Variants in FLACC1 observed in about 807,000 individuals in gnomAD.
FLACC1 encodes flagellum-associated coiled-coil domain-containing protein 1.
A neutral mutation model predicts 62.8 loss-of-function variants in FLACC1; 66 were observed. The ratio of observed to expected loss-of-function variants is 1.05; its 90% confidence interval spans 0.86 to 1.29. The LOEUF is 1.29. FLACC1 is among the 50% of genes most tolerant of loss of function. The pLI, the probability that FLACC1 is intolerant of heterozygous loss-of-function variation, is 0.00. For missense variants in FLACC1, 452 were observed against 489.1 expected (o/e 0.92, Z 0.71); for synonymous variants, 156 against 161.0 (o/e 0.97, Z 0.24).
chr2:201,335,067 T>G (rs776693193), intron 7 of FLACC1, among the ~76,000 whole-genome samples: 18 of 152,152 alleles, frequency 1.2e-4, no homozygotes, highest in Non-Finnish European at 2.2e-4. Flanking sequence ...ATTATCCAAT[T>G]CATTGCCATA....
chr2:201,314,654 C>G (rs561244452), intron 9 of FLACC1, among the ~76,000 whole-genome samples: 43 of 152,202 alleles, frequency 2.8e-4, no homozygotes, highest in South Asian at 1.2e-3. Flanking sequence ...TTGCTAGAGA[C>G]CTAGATATCC....
chr2:201,297,355 A>G (rs1317010751), intron 12 of FLACC1, among the ~76,000 whole-genome samples: 2 of 152,120 alleles, frequency 1.3e-5, no homozygotes, highest in African/African-American at 4.8e-5. Context: ...GATAAAGAAG[A>G]TAAGTGGGGC....
At chr2:201,296,246 A>G (rs1450813308) in intron 12 of FLACC1, among the ~76,000 whole-genome samples, 1 of 152,144 alleles carries the variant, frequency 6.6e-6, no homozygotes, top group Non-Finnish European at 1.5e-5. Flanking sequence ...ACAATAGCAA[A>G]GACTTGGAAC....
chr2:201,348,011 T>TA (rs2125619634), intron 4 of FLACC1: 1 of 357,058 alleles, frequency 2.8e-6, no homozygotes, highest in African/African-American at 2.2e-5. Context: ...ACACTCTGTT[T>TA]GTCTTGTGCA....
intron 7 of FLACC1, among the ~76,000 whole-genome samples, chr2:201,338,436 T>C (rs1301248274): frequency 6.6e-6 from 1 of 152,192 alleles, no homozygotes; most frequent in African/African-American, 2.4e-5. Flanking sequence ...TCCAGTACTA[T>C]ATTGAATAGG....
At chr2:201,355,111 C>T (rs1247000049) in intron 1 of FLACC1, among the ~76,000 whole-genome samples, 1 of 152,032 alleles carries the variant, frequency 6.6e-6, no homozygotes, top group Non-Finnish European at 1.5e-5. Context: ...AGGGCGAAAC[C>T]CCGTCTCTAC....
At chr2:201,319,975 A>C (rs1304748135) in intron 9 of FLACC1, among the ~76,000 whole-genome samples, 6 of 152,216 alleles carry the variant, frequency 3.9e-5, no homozygotes, top group Non-Finnish European at 7.3e-5. Flanking sequence ...CTCACCCTAC[A>C]TTACTCCTGG....
Position 201,299,258 on chromosome 2 carries a change from C to T in FLACC1, c.922G>A (p.Glu308Lys). 6.2e-7 allele frequency: 1 copy of T among 1,613,702 alleles called. No homozygotes were observed. The highest frequency in any genetic ancestry group is 8.5e-7 in the Non-Finnish European group (1 of 1,179,836). ...CTTACCTCTTTGGTTTTTCTCAGCTCTTCTAATTGCAAGGTGTCACTTTGA... is the reference window on the plus strand; with the variant it reads ...CTTACCTCTTTGGTTTTTCTCAGCTTTTCTAATTGCAAGGTGTCACTTTGA... The part of the protein sequence containing the change: ...QHQSDTLQLE[E>K]LRKTKEVMQE... Residue 308 changes from glutamate to lysine, a missense_variant, in exon 12 of 15, where the codon GAG becomes AAG. By Grantham distance (56) the Glu-to-Lys change is moderately conservative (BLOSUM62 1). Transcript: ENST00000392257.
At chr2:201,338,005 T>C (rs1349889482) in intron 7 of FLACC1, among the ~76,000 whole-genome samples, 5 of 152,230 alleles carry the variant, frequency 3.3e-5, no homozygotes, top group African/African-American at 9.6e-5. Flanking sequence ...ATTTTGGCGA[T>C]CTTAATTCTT....
At chr2:201,361,266 C>G, upstream of FLACC1, among the ~76,000 whole-genome samples, 1 of 152,156 alleles carries the variant, frequency 6.6e-6, no homozygotes, top group East Asian at 1.9e-4. Context: ...TGCCCAAATA[C>G]TGTAAAGGTT....
In FLACC1 at chr2:201,346,660, A is replaced by T. The variant is rs759016369; in HGVS notation, c.250T>A (p.Ser84Thr). ...TTCCGAACAAGTTGATAGCCAGGTG[A>T]CACGTTGATCACTTCCTAGGCATCA... Reference protein sequence around the residue: ...NKSFYEVINVSPGYQLVRNRE... With the variant: ...NKSFYEVINVTPGYQLVRNRE... Residue 84 changes from serine to threonine, a missense_variant, in exon 5 of 15, where the codon TCA (serine) becomes ACA (threonine). By Grantham distance (58) the Ser-to-Thr change is moderately conservative. Coordinates refer to ENST00000392257, the MANE Select transcript of FLACC1 (RefSeq NM_001127391.3). The surrounding 1 kb of genome is among the most constrained non-coding windows in gnomAD (Gnocchi z 4.0). The T allele has an allele frequency of 6.2e-7, 1 of 1,614,228 alleles. No individual in the cohort carries two copies. Among genetic ancestry groups the T allele is most frequent in the Non-Finnish European group, 8.5e-7 (1 of 1,180,044 alleles).
intron 11 of FLACC1, 105 bp downstream of exon 11, chr2:201,307,414 C>A: frequency 1.2e-6 from 1 of 824,094 alleles, no homozygotes; most frequent in South Asian, 1.6e-5. Context: ...GAGGATTATG[C>A]CCAGAAAGAC....
chr2:201,289,159 C>T (rs1015686679), intron 14 of FLACC1, among the ~76,000 whole-genome samples: 2 of 151,986 alleles, frequency 1.3e-5, no homozygotes, highest in African/African-American at 4.8e-5. Flanking sequence ...ATTTAAAAAC[C>T]ACCCTCAGTC....
intron 7 of FLACC1, among the ~76,000 whole-genome samples, chr2:201,334,238 T>C (rs1014998991): frequency 6.6e-6 from 1 of 152,352 alleles, no homozygotes; most frequent in Middle Eastern, 3.4e-3. Context: ...TCATACGGTT[T>C]TGTCCTTCAT....
At chr2:201,319,068 C>T (rs2125577980) in intron 9 of FLACC1, among the ~76,000 whole-genome samples, 1 of 152,220 alleles carries the variant, frequency 6.6e-6, no homozygotes, top group South Asian at 2.1e-4. Flanking sequence ...TAACCAAACA[C>T]CTCCTGTTTC....
chr2:201,352,906 A>C lies in FLACC1; in HGVS notation c.-47-1455T>G, dbSNP rs565629068. Among the ~76,000 whole-genome samples the C allele has an allele frequency of 3.8e-4, 58 of 152,348 alleles. 2 individuals are homozygous for C. In the South Asian group the frequency reaches 0.012, roughly 30 times the overall value. ...GTAGGAGTGATTGAGGAAAAGGTCC[A>C]GGAGCCAAGGAATCGGGGCAGCATC... On this transcript the variant is annotated intron_variant, in intron 1 of 14. Coordinates refer to ENST00000392257, the MANE Select transcript of FLACC1 (RefSeq NM_001127391.3).
chr2:201,323,784 CAAA>C lies in FLACC1; in HGVS notation c.675+6683_675+6685del, dbSNP rs71022362. 1.3e-4 allele frequency among the ~76,000 whole-genome samples: 7 copies of C among 52,764 alleles called. 1 individual carries two copies. Among genetic ancestry groups the C allele is most frequent in the African/African-American group, 3.1e-4 (3 of 9,808 alleles). The allele number at this position is 52,764 out of a possible 152,430, so 34.6% of individuals were successfully genotyped here. A position where few individuals can be genotyped will look rare whatever the true frequency, so the allele number is the denominator to read the frequency against. ...CCTGGGCAACAGAGCCAGACTCTAT[CAAA>C]AAAAAAAAAAAAAAAAGTAAGGAAG... On this transcript the variant is annotated intron_variant, in intron 9 of 14. Coordinates refer to ENST00000392257, the MANE Select transcript of FLACC1 (RefSeq NM_001127391.3).
intron 7 of FLACC1, 144 bp from the exon 8 acceptor site, chr2:201,330,977 T>C (rs1950583271): frequency 1.7e-6 from 1 of 580,310 alleles, no homozygotes; most frequent in East Asian, 3.2e-5. Context: ...AAATCTTTTT[T>C]TTTTTTTTTT....
At chr2:201,330,969 A>ACC in intron 7 of FLACC1, 136 bp from the exon 8 acceptor site, 1 of 584,348 alleles carries the variant, frequency 1.7e-6, no homozygotes, top group African/African-American at 2.0e-5. Flanking sequence ...AAATTTTTAA[A>ACC]TCTTTTTTTT....
Sources: gnomAD v4.1 joint callset for allele counts (sites outside exome capture counted in the v4.1 genomes callset) on GRCh38, gnomAD v4.1.1 for gene constraint, Gnocchi (gnomAD v3.1) non-coding constraint, MANE v1.5 for transcripts, NCBI Gene and HGNC (gene_info 2026-07-23, HGNC 2026-07-21) for gene names.